The following KDM4C variants were observed in gnomAD, a reference collection of about 807,000 sequenced individuals.
KDM4C encodes the protein lysine-specific demethylase 4C.
In KDM4C, 81 loss-of-function variants were observed where a neutral mutation model predicts 129.3. That is an observed-to-expected ratio of 0.63 (90% CI 0.52 to 0.75). KDM4C has a LOEUF of 0.75. KDM4C is among the 30% of genes least tolerant of loss of function. The pLI is 0.00. For missense variants in KDM4C, 1,457 were observed against 1,304.0 expected (o/e 1.12, Z -1.81); for synonymous variants, 573 against 456.1 (o/e 1.26, Z -3.26).
At chr9:6,916,040 A>G (rs957556149) in intron 8 of KDM4C, among the ~76,000 whole-genome samples, 19 of 152,218 alleles carry the variant, frequency 1.2e-4, no homozygotes, top group African/African-American at 2.4e-4. Flanking sequence ...GAGAGACATC[A>G]TATTTGACCT....
chr9:7,015,234 T>C (rs1025940885), intron 14 of KDM4C, among the ~76,000 whole-genome samples: 5 of 152,142 alleles, frequency 3.3e-5, no homozygotes, highest in African/African-American at 1.2e-4. Flanking sequence ...ATATTGGAAA[T>C]ATTAAAAATT....
intron 8 of KDM4C, 105 bp from the exon 9 acceptor site, chr9:6,980,820 T>G: frequency 1.1e-6 from 1 of 932,962 alleles, no homozygotes; most frequent in Non-Finnish European, 1.7e-6. Flanking sequence ...TTATCCTCCA[T>G]TATGTAGTGA....
At chr9:6,787,046 T>A (rs1825639905) in intron 1 of KDM4C, among the ~76,000 whole-genome samples, 1 of 152,248 alleles carries the variant, frequency 6.6e-6, no homozygotes, top group African/African-American at 2.4e-5. Flanking sequence ...GTCTTTAATC[T>A]ATGTATCTGA....
chr9:6,780,933 G>A (rs1824206406), intron 1 of KDM4C, among the ~76,000 whole-genome samples: 1 of 151,904 alleles, frequency 6.6e-6, no homozygotes, highest in Non-Finnish European at 1.5e-5. Context: ...TTGGCTTTTT[G>A]GTCCCTTCAT....
chr9:7,141,519 C>T (rs1166455395), intron 19 of KDM4C, among the ~76,000 whole-genome samples: 1 of 152,026 alleles, frequency 6.6e-6, no homozygotes, highest in Admixed American at 6.5e-5. Context: ...ATCAAGAGTA[C>T]CAGGTGATGG....
intron 8 of KDM4C, among the ~76,000 whole-genome samples, chr9:6,893,790 C>G (rs923027575): frequency 2.0e-4 from 31 of 152,086 alleles, no homozygotes; most frequent in African/African-American, 7.0e-4. Flanking sequence ...CATCTCCTGC[C>G]CAGTGTATTT....
At chr9:6,950,042 G>GTTT (rs35466020) in intron 8 of KDM4C, among the ~76,000 whole-genome samples, 1 of 122,600 alleles carries the variant, frequency 8.2e-6, no homozygotes, top group African/African-American at 3.1e-5. Flanking sequence ...CATGTGGCTG[G>GTTT]TTTTTTTTTT....
At chr9:7,047,286 G>A (rs887450999) in intron 16 of KDM4C, among the ~76,000 whole-genome samples, 1 of 151,984 alleles carries the variant, frequency 6.6e-6, no homozygotes, top group East Asian at 1.9e-4. Context: ...AAGTGAAACC[G>A]TGATCTTCAG....
chr9:6,737,968 A>G (rs1477571879), intron 1 of KDM4C, among the ~76,000 whole-genome samples: 1 of 149,904 alleles, frequency 6.7e-6, no homozygotes, highest in Non-Finnish European at 1.5e-5. Flanking sequence ...CCCCATCTCT[A>G]CTAAAAATAC....
At chr9:7,010,966 C>T (rs1254570467) in intron 12 of KDM4C, among the ~76,000 whole-genome samples, 1 of 152,090 alleles carries the variant, frequency 6.6e-6, no homozygotes, top group Non-Finnish European at 1.5e-5. Context: ...ATGGCTTGAA[C>T]CCTGGAGGCG....
chr9:6,987,333 C>T (rs969172271), intron 11 of KDM4C, among the ~76,000 whole-genome samples: 2 of 152,204 alleles, frequency 1.3e-5, no homozygotes, highest in East Asian at 3.8e-4. Context: ...ATTTAGCTTC[C>T]CATTGTGACT....
chr9:6,857,634 C>T (rs757021552), intron 5 of KDM4C, among the ~76,000 whole-genome samples: 1 of 152,008 alleles, frequency 6.6e-6, no homozygotes, highest in Non-Finnish European at 1.5e-5. Context: ...TGATTGGTAA[C>T]TGGATTGTTA....
chr9:7,049,256 A>G, intron 17 of KDM4C, 56 bp downstream of exon 17: 1 of 954,380 alleles, frequency 1.0e-6, no homozygotes, highest in Non-Finnish European at 1.6e-6. Flanking sequence ...TCAAGTTCTG[A>G]ATTTTTCCAT....
At chr9:6,898,701 A>G (rs143851821) in intron 8 of KDM4C, among the ~76,000 whole-genome samples, 84 of 152,346 alleles carry the variant, frequency 5.5e-4, no homozygotes, top group African/African-American at 1.9e-3. Context: ...TAAATTGTCT[A>G]GCATGTAAGT....
chr9:6,731,313 A>AT (rs1053829449), intron 1 of KDM4C, among the ~76,000 whole-genome samples: 91 of 114,096 alleles, frequency 8.0e-4, no homozygotes, highest in African/African-American at 2.4e-3. Context: ...AAGCAACTAC[A>AT]TTTTTTTTTT....
intron 8 of KDM4C, among the ~76,000 whole-genome samples, chr9:6,951,156 C>G (rs1828073038): frequency 6.6e-6 from 1 of 152,024 alleles, no homozygotes; most frequent in Non-Finnish European, 1.5e-5. Flanking sequence ...ATCTCAAACA[C>G]TTATCATTTC....
intron 8 of KDM4C, among the ~76,000 whole-genome samples, chr9:6,970,895 A>G (rs1027617656): frequency 2.1e-5 from 3 of 144,292 alleles, no homozygotes; most frequent in Admixed American, 7.4e-5. Context: ...TGATGCACTC[A>G]TACACTAACC....
upstream of KDM4C, among the ~76,000 whole-genome samples, chr9:6,757,450 T>C (rs1818392757): frequency 6.6e-6 from 1 of 152,234 alleles, no homozygotes; most frequent in African/African-American, 2.4e-5. Flanking sequence ...ACGAAGATAC[T>C]CTTCGCCTAT....
Position 6,757,978 on chromosome 9 carries a change from C to G in KDM4C, c.-243C>G, listed in dbSNP as rs1320947528. 3 of 985,380 alleles carry G rather than the reference C, an allele frequency of 3.0e-6. No homozygotes were observed. The highest frequency in any genetic ancestry group is 3.5e-5 in the African/African-American group (2 of 57,350). The allele number at this position is 985,380 out of a possible 1,614,324, so 61.0% of individuals were successfully genotyped here. On this transcript the variant is annotated 5_prime_UTR_variant, in exon 1 of 22. Coordinates refer to ENST00000381309, the MANE Select transcript of KDM4C (RefSeq NM_015061.6). ...GCGCGCGCCCTCGCGCAGGGAGAGC[C>G]GGCGGTGCGCGCGCCTTCGCCGCTG...
Sources: gnomAD v4.1 joint callset for allele counts (sites outside exome capture counted in the v4.1 genomes callset) on GRCh38, gnomAD v4.1.1 for gene constraint, MANE v1.5 for transcripts, NCBI Gene and HGNC (gene_info 2026-07-23, HGNC 2026-07-21) for gene names.